The following COG6 variants were observed in gnomAD, a reference collection of about 807,000 sequenced individuals.
COG6 encodes the protein component of oligomeric golgi complex 6, also known as conserved oligomeric Golgi complex subunit 6.
A neutral mutation model predicts 88.8 loss-of-function variants in COG6; 74 were observed. That is an observed-to-expected ratio of 0.83 (90% CI 0.69 to 1.01). The LOEUF (loss-of-function observed/expected upper bound fraction) is 1.01. COG6 is among the 50% of genes least tolerant of loss of function. COG6 has a pLI of 0.00. For missense variants in COG6, 800 were observed against 797.9 expected, an observed-to-expected ratio of 1.00 and a Z score of -0.03; for synonymous variants, 286 against 278.7, an observed-to-expected ratio of 1.03 and a Z score of -0.26.
At chr13:39,669,908 A>T (rs1875515168) in intron 4 of COG6, among the ~76,000 whole-genome samples, 1 of 152,168 alleles carries the variant, frequency 6.6e-6, no homozygotes, top group Non-Finnish European at 1.5e-5. Context: ...GCAAGGCAGA[A>T]ATTATGATAA....
intron 18 of COG6, among the ~76,000 whole-genome samples, chr13:39,742,286 C>G (rs1305934178): frequency 6.6e-6 from 1 of 152,032 alleles, no homozygotes; most frequent in East Asian, 1.9e-4. Flanking sequence ...GCTAAATGCC[C>G]CAATTAAAAG....
chr13:39,742,589 C>T (rs1434428679), intron 18 of COG6, among the ~76,000 whole-genome samples: 1 of 152,068 alleles, frequency 6.6e-6, no homozygotes, highest in Non-Finnish European at 1.5e-5. Context: ...TACAGGAGCA[C>T]CCAGATTCAT....
intron 4 of COG6, among the ~76,000 whole-genome samples, chr13:39,668,514 C>A (rs1278558799): frequency 1.3e-5 from 2 of 152,100 alleles, no homozygotes; most frequent in Non-Finnish European, 2.9e-5. Context: ...CAAGGCCGGG[C>A]GCCGTAGCTC....
rs1164816920 is a variant in COG6, at chr13:39,655,702, A to G, written c.-25A>G. ...GTGGTCCCTGCCTGGCTGAGGTGGC[A>G]GCAGGGGGCGGGACGCGCAGCGCTA... On this transcript the variant is annotated 5_prime_UTR_variant, in exon 1 of 19. Coordinates refer to ENST00000455146, the MANE Select transcript of COG6 (RefSeq NM_020751.3). 10 of 1,553,796 alleles carry G rather than the reference A, an allele frequency of 6.4e-6. No individual in the cohort carries two copies. Among genetic ancestry groups the G allele is most frequent in the East Asian group, 4.8e-5 (2 of 41,748 alleles).
chr13:39,687,890 G>A (rs1876757990), intron 10 of COG6, 91 bp downstream of exon 10: 1 of 854,300 alleles, frequency 1.2e-6, no homozygotes, highest in Admixed American at 2.0e-5. Context: ...TCTTCACTTA[G>A]ATAAACACCT....
chr13:39,686,740 T>C (rs187076953), intron 8 of COG6, among the ~76,000 whole-genome samples: 1 of 151,472 alleles, frequency 6.6e-6, no homozygotes. Context: ...AATTCTTTTA[T>C]TTTTTCTGAG....
In COG6 at chr13:39,751,437, T is replaced by C. The variant is rs1566039531; in HGVS notation, c.*344T>C. 7.9e-7 allele frequency: 1 copy of C among 1,271,260 alleles called. No homozygotes were observed. Among genetic ancestry groups the C allele is most frequent in the East Asian group, 5.3e-5 (1 of 18,960 alleles). 78.7% of individuals were successfully genotyped at this position (1,271,260 alleles called of 1,614,324 possible). ...AGACTAGTTCTAAATTAACAGCTTA[T>C]AAAAAATTTGTCTAAATTTAATAAT... On this transcript the variant is annotated 3_prime_UTR_variant, in exon 19 of 19. Transcript: ENST00000455146.
intron 16 of COG6, among the ~76,000 whole-genome samples, chr13:39,724,280 T>G (rs1215282636): frequency 6.6e-6 from 1 of 151,974 alleles, no homozygotes; most frequent in Non-Finnish European, 1.5e-5. Context: ...TGAAGTATCA[T>G]GATATTTCTG....
chr13:39,682,076 G>A, intron 7 of COG6, 95 bp from the exon 8 acceptor site: 2 of 817,102 alleles, frequency 2.4e-6, no homozygotes, highest in East Asian at 2.6e-5. Context: ...TTTTTATGGG[G>A]TGTTTGCCAT....
intron 13 of COG6, among the ~76,000 whole-genome samples, chr13:39,713,416 A>G (rs562303322): frequency 6.6e-6 from 1 of 152,262 alleles, no homozygotes; most frequent in African/African-American, 2.4e-5. Flanking sequence ...AGTAAGTGCA[A>G]GAATGCATTG....
downstream of COG6, among the ~76,000 whole-genome samples, chr13:39,754,262 C>G (rs761408487): frequency 2.0e-5 from 3 of 152,102 alleles, no homozygotes; most frequent in Admixed American, 1.3e-4. Context: ...TCAACCTTTT[C>G]TATCCAGAAT....
chr13:39,740,350 C>T (rs1239330185), intron 18 of COG6, among the ~76,000 whole-genome samples: 1 of 152,134 alleles, frequency 6.6e-6, no homozygotes, highest in Non-Finnish European at 1.5e-5. Context: ...CACACTTGCC[C>T]TCTCCACCAC....
chr13:39,772,988 C>T (rs1881361740), intron 18 of COG6, among the ~76,000 whole-genome samples: 1 of 152,212 alleles, frequency 6.6e-6, no homozygotes, highest in Non-Finnish European at 1.5e-5. Context: ...TTTATGTCTC[C>T]TCCTAACATC....
chr13:39,658,772 G>A (rs1180679861), intron 1 of COG6, among the ~76,000 whole-genome samples: 1 of 152,106 alleles, frequency 6.6e-6, no homozygotes, highest in Non-Finnish European at 1.5e-5. Context: ...TCAGTTCAAA[G>A]TCACCTCAGA....
At chr13:39,745,405 C>G (rs1208428215) in intron 18 of COG6, among the ~76,000 whole-genome samples, 1 of 150,966 alleles carries the variant, frequency 6.6e-6, no homozygotes, top group Non-Finnish European at 1.5e-5. Context: ...GAAAAAAAAC[C>G]ATCAAAAAGT....
intron 18 of COG6, among the ~76,000 whole-genome samples, chr13:39,783,001 A>G (rs1226806521): frequency 1.3e-5 from 2 of 152,198 alleles, no homozygotes; most frequent in Admixed American, 6.5e-5. Context: ...ATCAAGCTGT[A>G]TATTGATGAC....
intron 18 of COG6, among the ~76,000 whole-genome samples, chr13:39,733,696 A>G (rs1169323110): frequency 1.3e-5 from 2 of 152,030 alleles, no homozygotes; most frequent in Non-Finnish European, 2.9e-5. Context: ...ATTTCTTGGA[A>G]TAGTTTGAGT....
At chr13:39,743,558 A>G (rs1233000582) in intron 18 of COG6, among the ~76,000 whole-genome samples, 1 of 152,198 alleles carries the variant, frequency 6.6e-6, no homozygotes, top group Non-Finnish European at 1.5e-5. Flanking sequence ...AACCAAGAAG[A>G]AGTTGAATCT....
chr13:39,704,636 CAT>C (rs539775415), intron 13 of COG6, among the ~76,000 whole-genome samples: 64 of 152,124 alleles, frequency 4.2e-4, no homozygotes, highest in African/African-American at 1.4e-3. Flanking sequence ...GTGGTTTAAA[CAT>C]GTGTTGTTTA....
Sources: gnomAD v4.1 joint callset for allele counts (sites outside exome capture counted in the v4.1 genomes callset) on GRCh38, gnomAD v4.1.1 for gene constraint, MANE v1.5 for transcripts, NCBI Gene and HGNC (gene_info 2026-07-23, HGNC 2026-07-21) for gene names.